The following HSPB7 variants were observed in gnomAD, a reference collection of about 807,000 sequenced individuals.
The protein encoded by HSPB7 is heat shock protein family B (small) member 7.
A neutral mutation model predicts 11.0 loss-of-function variants in HSPB7; 9 were observed. That is an observed-to-expected ratio of 0.82 (90% CI 0.49 to 1.43). The LOEUF is 1.43. HSPB7 is among the 40% of genes most tolerant of loss of function. HSPB7 has a pLI of 0.00. For synonymous variants in HSPB7, 102 were observed against 101.6 expected (o/e 1.00, Z -0.02); for missense variants, 246 against 243.9 (o/e 1.01, Z -0.06).
chr1:16,015,437 T>G lies in HSPB7; in HGVS notation c.*143A>C. On this transcript the variant is annotated 3_prime_UTR_variant, in exon 3 of 3. Coordinates refer to ENST00000311890, the MANE Select transcript of HSPB7 (RefSeq NM_014424.5). The surrounding 1 kb of genome is among the most constrained non-coding windows in gnomAD (Gnocchi z 4.9). ...CCTGGATAGAGTGGAGGGCCCTAGT[T>G]TGGGAGGATGGTCCACCTGGGGTCT... is the stretch of plus-strand genomic sequence containing the variant. The G allele has an allele frequency of 1.4e-6, 1 of 712,198 alleles. No individual in the cohort carries two copies. 44.1% of individuals were successfully genotyped at this position (712,198 alleles called of 1,614,324 possible).
chr1:16,018,595 GC>G, upstream of HSPB7: 5 of 1,042,820 alleles, frequency 4.8e-6, no homozygotes, highest in Non-Finnish European at 5.8e-6. Context: ...TCCCCTGCCA[GC>G]CCCCATGGGG....
At position 16,015,543 on chromosome 1, in the gene HSPB7, TGGGGCGG is replaced by T. The variant is rs754235385; in HGVS notation, c.*30_*36del. 1.2e-6 allele frequency: 2 copies of T among 1,603,240 alleles called. No individual in the cohort carries two copies. The highest frequency in any genetic ancestry group is 1.7e-6 in the Non-Finnish European group (2 of 1,171,266). On this transcript the variant is annotated 3_prime_UTR_variant, in exon 3 of 3. Coordinates refer to ENST00000311890, the MANE Select transcript of HSPB7 (RefSeq NM_014424.5). This position sits in a 1 kb window ranked among gnomAD's most constrained non-coding sequence, Gnocchi z 4.9. ...GTTAGCGAGGCTTTGCTGGCAGGCG[TGGGGCGG>T]GGGGACAGGGAAAGGGAAGGGAGAG...
chr1:16,016,879 G>A (rs1255687690), intron 2 of HSPB7, among the ~76,000 whole-genome samples, 195 bp downstream of exon 2: 1 of 152,150 alleles, frequency 6.6e-6, no homozygotes, highest in Non-Finnish European at 1.5e-5. Flanking sequence ...TGGGAACCTC[G>A]GTGCAAAGAG....
upstream of HSPB7, chr1:16,019,125 G>A (rs901042413): frequency 5.8e-6 from 9 of 1,542,328 alleles, no homozygotes; most frequent in African/African-American, 1.4e-5. Flanking sequence ...CAGCAAAGCT[G>A]GGACTGACCT....
At position 16,015,184 on chromosome 1, in the gene HSPB7, A is replaced by C. The variant is rs148501647; in HGVS notation, c.*396T>G. The stretch of plus-strand genomic sequence containing the variant: ...CACTCCCCTTGGCCAAGAGGGTTCC[A>C]GGTCCCTGGTCCCCTTGCCCTGCAG... On this transcript the variant is annotated 3_prime_UTR_variant, in exon 3 of 3. Coordinates refer to ENST00000311890, the MANE Select transcript of HSPB7 (RefSeq NM_014424.5). This position sits in a 1 kb window ranked among gnomAD's most constrained non-coding sequence, Gnocchi z 4.9. The C allele has an allele frequency of 5.8e-6, 1 of 171,468 alleles. No individual in the cohort carries two copies. The highest frequency in any genetic ancestry group is 5.6e-5 in the Admixed American group (1 of 17,712). The allele number at this position is 171,468 out of a possible 1,614,324, so 10.6% of individuals were successfully genotyped here. A position where few individuals can be genotyped will look rare whatever the true frequency, so the allele number is the denominator to read the frequency against.
upstream of HSPB7, chr1:16,018,839 T>G: frequency 7.9e-7 from 1 of 1,272,902 alleles, no homozygotes; most frequent in Non-Finnish European, 9.9e-7. Flanking sequence ...GAATGCCTTC[T>G]GGGCATGGGC....
chr1:16,016,762 C>T (rs890277020), intron 2 of HSPB7, among the ~76,000 whole-genome samples: 1 of 152,044 alleles, frequency 6.6e-6, no homozygotes, highest in East Asian at 1.9e-4. Context: ...CCTGTCATCT[C>T]CCACCCTCAA....
At chr1:16,016,986 T>TG in intron 2 of HSPB7, 88 bp downstream of exon 2, 1 of 1,356,710 alleles carries the variant, frequency 7.4e-7, no homozygotes, top group Non-Finnish European at 1.0e-6. Context: ...GGCCAGGGTC[T>TG]GGGGTCCCAG....
Position 16,015,264 on chromosome 1 carries a change from T to G in HSPB7, c.*316A>C. 6.1e-6 allele frequency: 2 copies of G among 326,628 alleles called. No homozygotes were observed. The highest frequency in any genetic ancestry group is 1.1e-5 in the Non-Finnish European group (2 of 175,156). The allele number at this position is 326,628 out of a possible 1,614,324, so 20.2% of individuals were successfully genotyped here. On this transcript the variant is annotated 3_prime_UTR_variant, in exon 3 of 3. Transcript: ENST00000311890. The surrounding 1 kb of genome is among the most constrained non-coding windows in gnomAD (Gnocchi z 4.9). ...CTGTCTGTCCTGCAGAGCTTGCCCA[T>G]ATGTCCTGCTGGTCCCATTCCCCTG...
upstream of HSPB7, chr1:16,018,301 G>A (rs527561236): frequency 6.1e-6 from 8 of 1,308,196 alleles, no homozygotes; most frequent in African/African-American, 7.6e-5. Context: ...CTTGCCACTC[G>A]GACCTCGGTG....
rs757546284 is a variant in HSPB7, at chr1:16,017,816, C to G, written c.148G>C (p.Asp50His). 6.2e-7 allele frequency: 1 copy of G among 1,613,448 alleles called. No individual in the cohort carries two copies. Among genetic ancestry groups the G allele is most frequent in the Non-Finnish European group, 8.5e-7 (1 of 1,179,726 alleles). Residue 50 changes from aspartate (D) to histidine (H), a missense_variant, in exon 1 of 3, where the codon GAT becomes CAT. Physicochemically the swap from Asp to His is moderately conservative, Grantham distance 81. Transcript: ENST00000311890. ...PMEKALSMFSDDFGSFMRPHS... is the reference protein window; with the variant it reads ...PMEKALSMFSHDFGSFMRPHS... ...GGCCGCATGAAGCTGCCAAAGTCAT[C>G]GGAAAACATGCTCAGGGCCTTCTCC...
chr1:16,018,760 C>A (rs3754329), upstream of HSPB7: 89,397 of 1,077,284 alleles, frequency 0.083, 4,195 homozygotes, highest in East Asian at 0.22. Flanking sequence ...CCTGCGAGCG[C>A]CTTAGGTGGG....
rs2021628270 is a variant in HSPB7 at position 16,015,399 on chromosome 1, G to C, written c.*181C>G. 5 of 588,728 alleles carry C rather than the reference G, an allele frequency of 8.5e-6. No homozygotes were observed. Among genetic ancestry groups the C allele is most frequent in the Non-Finnish European group, 1.2e-5 (4 of 333,286 alleles). The allele number at this position is 588,728 out of a possible 1,614,324, so 36.5% of individuals were successfully genotyped here. ...TGGGCATCATGTGTCAGGCCAGGGA[G>C]TCCCTGGCCTGCCCTGGATAGAGTG... On this transcript the variant is annotated 3_prime_UTR_variant, in exon 3 of 3. Transcript: ENST00000311890. This position sits in a 1 kb window ranked among gnomAD's most constrained non-coding sequence, Gnocchi z 4.9.
rs769371992 is a variant in HSPB7, at chr1:16,015,623, G to A, written c.470C>T (p.Thr157Ile). ...LTIRARRHPH[T>I]EHVQQTFRTE... The stretch of plus-strand genomic sequence containing the variant: ...CCGGAAGGTCTGCTGGACGTGTTCT[G>A]TATGCGGGTGACGCCGTGCCCGGAT... The change falls in exon 3 of 3, where the codon ACA becomes ATA. Residue 157 changes from threonine (T) to isoleucine (I), a missense_variant. Transcript: ENST00000311890. The surrounding 1 kb of genome is among the most constrained non-coding windows in gnomAD (Gnocchi z 4.9). 4 of 1,613,962 alleles carry A rather than the reference G, an allele frequency of 2.5e-6. No homozygotes were observed. In the Admixed American group the frequency reaches 6.7e-5, roughly 27 times the overall value.
chr1:16,016,854 C>G (rs1010205785), intron 2 of HSPB7, among the ~76,000 whole-genome samples: 2 of 152,170 alleles, frequency 1.3e-5, no homozygotes, highest in Non-Finnish European at 2.9e-5. Context: ...TGCTCAGGCC[C>G]TGGAAGAAAG....
At chr1:16,017,339 G>C (rs1205088186) in intron 1 of HSPB7, 132 bp from the exon 2 acceptor site, 4 of 1,269,378 alleles carry the variant, frequency 3.2e-6, no homozygotes, top group African/African-American at 3.0e-5. Context: ...TTCTCCCTAA[G>C]CTCCTCCTCA....
chr1:16,017,208 C>A lies in HSPB7; in HGVS notation c.200-1G>T. The stretch of plus-strand genomic sequence containing the variant: ...ATGTTGCCTGCCCCACCGGGGCGGG[C>A]TGTGGGATGGGCTGCTGTGAGCGAG... On this transcript the variant is annotated splice_acceptor_variant, in intron 1 of 2. Transcript: ENST00000311890. LOFTEE classifies it high-confidence loss of function. 6.2e-7 allele frequency: 1 copy of A among 1,612,798 alleles called. No homozygotes were observed. The highest frequency in any genetic ancestry group is 8.5e-7 in the Non-Finnish European group (1 of 1,179,034).
At chr1:16,018,963 G>A (rs2021957928), upstream of HSPB7, 1 of 1,011,814 alleles carries the variant, frequency 9.9e-7, no homozygotes, top group Middle Eastern at 3.2e-4. Context: ...AAAGGGCGGG[G>A]CTCGCAGTTG....
upstream of HSPB7, chr1:16,018,960 G>T: frequency 9.7e-7 from 1 of 1,030,816 alleles, no homozygotes; most frequent in Non-Finnish European, 1.4e-6. Flanking sequence ...TGGAAAGGGC[G>T]GGGCTCGCAG....
Sources: allele counts gnomAD v4.1 joint callset (sites outside exome capture counted in the v4.1 genomes callset), GRCh38; gene constraint gnomAD v4.1.1; non-coding constraint Gnocchi (gnomAD v3.1); transcripts MANE v1.5; gene names NCBI Gene and HGNC (gene_info 2026-07-23, HGNC 2026-07-21).